The following ENPP1 variants were observed in gnomAD, a reference collection of about 807,000 sequenced individuals.
ENPP1 encodes ectonucleotide pyrophosphatase/phosphodiesterase 1.
Under a neutral mutation model 122.8 loss-of-function variants are expected in ENPP1, and 73 were observed. The ratio of observed to expected loss-of-function variants is 0.59; its 90% CI spans 0.49 to 0.72. The LOEUF is 0.72. Ranked by LOEUF, ENPP1 falls within the 30% of genes least tolerant of loss-of-function variation. The pLI is 0.00. For synonymous variants in ENPP1, 367 were observed against 391.6 expected (o/e 0.94, Z 0.74); for missense variants, 978 against 1,128.1 (o/e 0.87, Z 1.91).
At chr6:131,873,617 T>C (rs1302865864) in intron 15 of ENPP1, among the ~76,000 whole-genome samples, 1 of 152,120 alleles carries the variant, frequency 6.6e-6, no homozygotes, top group Non-Finnish European at 1.5e-5. Context: ...CTTTAGTTTA[T>C]TGGTGTGTTT....
rs1782495831 is a variant in ENPP1, at chr6:131,893,311, A to T, written c.*2800A>T. On this transcript the variant is annotated 3_prime_UTR_variant, in exon 25 of 25. Coordinates refer to ENST00000647893, the MANE Select transcript of ENPP1 (RefSeq NM_006208.3). ...TGTCTTAGGGAGAAGAGACAGCAGA[A>T]GTGTAAATGATCCCTAAAGAGTGAT... The T allele has an allele frequency of 6.6e-6, 1 of 152,248 alleles. No individual in the cohort carries two copies. Among genetic ancestry groups the T allele is most frequent in the African/African-American group, 2.4e-5 (1 of 41,460 alleles). 9.4% of individuals were successfully genotyped at this position (152,248 alleles called of 1,614,324 possible).
chr6:131,887,697 T>A (rs1461339182), intron 24 of ENPP1, among the ~76,000 whole-genome samples: 4 of 148,064 alleles, frequency 2.7e-5, no homozygotes, highest in Non-Finnish European at 5.9e-5. Flanking sequence ...TAGCTGGGAC[T>A]ACAGGCGCCC....
chr6:131,858,796 T>A, intron 7 of ENPP1, 49 bp downstream of exon 7: 1 of 1,284,432 alleles, frequency 7.8e-7, no homozygotes, highest in Non-Finnish European at 1.1e-6. Context: ...TGAGATGGGA[T>A]TGTAACATTT....
intron 1 of ENPP1, among the ~76,000 whole-genome samples, chr6:131,810,419 C>T (rs555414496): frequency 1.8e-4 from 28 of 151,884 alleles, no homozygotes; most frequent in African/African-American, 6.8e-4. Context: ...TTTCCCTTCC[C>T]TACTTCAATA....
intron 6 of ENPP1, among the ~76,000 whole-genome samples, chr6:131,856,593 G>A (rs1299524385): frequency 7.0e-6 from 1 of 143,548 alleles, no homozygotes; most frequent in Non-Finnish European, 1.5e-5. Flanking sequence ...GCAATGCCTA[G>A]GTTTTCTTCT....
rs1782022317 is a variant in ENPP1, at chr6:131,861,497, GCA to G, written c.916-96_916-95del. 7 of 790,352 alleles carry G rather than the reference GCA, an allele frequency of 8.9e-6. No homozygotes were observed. The East Asian group carries it at 1.7e-4, about 20-fold the overall frequency. The allele number at this position is 790,352 out of a possible 1,614,324, so 49.0% of individuals were successfully genotyped here. On this transcript the variant is annotated intron_variant, in intron 8 of 24. Coordinates refer to ENST00000647893, the MANE Select transcript of ENPP1 (RefSeq NM_006208.3). ...GCTTGTTGACCTTAAAAGCATTCTA[GCA>G]CTAGAGAGGAATGCATTGGTGTGGT...
At chr6:131,843,611 C>A (rs1450121530) in intron 1 of ENPP1, among the ~76,000 whole-genome samples, 2 of 151,280 alleles carry the variant, frequency 1.3e-5, no homozygotes, top group Non-Finnish European at 2.9e-5. Flanking sequence ...CTCTTATCCC[C>A]TTTTGTATTC....
chr6:131,886,423 T>C, intron 23 of ENPP1, 139 bp from the exon 24 acceptor site: 2 of 665,246 alleles, frequency 3.0e-6, no homozygotes. Context: ...TGTTGAGGTA[T>C]TGTGATTACT....
intron 24 of ENPP1, among the ~76,000 whole-genome samples, chr6:131,886,933 T>C (rs1042916229): frequency 4.0e-5 from 6 of 149,878 alleles, no homozygotes; most frequent in East Asian, 1.9e-4. Context: ...TTTCTTTTTT[T>C]TTTTTTTTTT....
intron 1 of ENPP1, chr6:131,827,427 TAGG>T (rs1781559112): frequency 5.7e-6 from 4 of 696,804 alleles, no homozygotes; most frequent in Admixed American, 2.1e-5. Context: ...CCACAGCCTG[TAGG>T]AGGAGGTCAG....
At position 131,891,781 on chromosome 6, in the gene ENPP1, TC is replaced by T. The variant is rs1441985073; in HGVS notation, c.*1272del. 1 of 151,314 alleles carries T rather than the reference TC, an allele frequency of 6.6e-6. No homozygotes were observed. Among genetic ancestry groups the T allele is most frequent in the Non-Finnish European group, 1.5e-5 (1 of 67,860 alleles). 9.4% of individuals were successfully genotyped at this position (151,314 alleles called of 1,614,324 possible). ...TTTTTTTTTTTTCAGTCCTGCAGTT[TC>T]CTGAAGCTCTGTATATGATATTTTT... On this transcript the variant is annotated 3_prime_UTR_variant, in exon 25 of 25. Coordinates refer to ENST00000647893, the MANE Select transcript of ENPP1 (RefSeq NM_006208.3).
Position 131,852,231 on chromosome 6 carries a change from G to T in ENPP1, c.613G>T (p.Ala205Ser). ...GAGCATTAATGAGCCACAGTGCCCA[G>T]CAGGGTAAGATTATATTCTGAGGTA... The part of the protein sequence containing the change: ...CESINEPQCP[A>S]GFETPPTLLF... The change falls in exon 5 of 25, where the codon GCA (alanine) becomes TCA (serine). Residue 205 changes from alanine (A) to serine (S), a missense_variant. Physicochemically the swap from Ala to Ser is moderately conservative, Grantham distance 99. Around this residue, in one of 3 missense-constraint regions of ENPP1, gnomAD observed 330 missense variants for 328.5 expected, o/e 1.00. Coordinates refer to ENST00000647893, the MANE Select transcript of ENPP1 (RefSeq NM_006208.3). 1 of 1,598,434 alleles carries T rather than the reference G, an allele frequency of 6.3e-7. No individual in the cohort carries two copies. Among genetic ancestry groups the T allele is most frequent in the Non-Finnish European group, 8.5e-7 (1 of 1,170,328 alleles).
Position 131,879,892 on chromosome 6 carries a change from A to G in ENPP1, c.1958A>G (p.Lys653Arg), listed in dbSNP as rs1387133189. Residue 653 changes from lysine to arginine, a missense_variant, in exon 20 of 25, where the codon AAG becomes AGG. Around this residue, in one of 3 missense-constraint regions of ENPP1, gnomAD observed 644 missense variants for 781.5 expected, o/e 0.82. Coordinates refer to ENST00000647893, the MANE Select transcript of ENPP1 (RefSeq NM_006208.3). ...CCTGTGACCCAAGAGAAGATTATTA[A>G]GCATGAAACTTTACCCTATGGAAGA... ...NLTVAEEKIIKHETLPYGRPR... is the reference protein window; with the variant it reads ...NLTVAEEKIIRHETLPYGRPR... 1 of 1,613,746 alleles carries G rather than the reference A, an allele frequency of 6.2e-7. No individual in the cohort carries two copies. The highest frequency in any genetic ancestry group is 1.1e-5 in the South Asian group (1 of 91,082).
intron 1 of ENPP1, among the ~76,000 whole-genome samples, chr6:131,838,395 A>G (rs913094990): frequency 6.6e-6 from 1 of 152,194 alleles, no homozygotes; most frequent in African/African-American, 2.4e-5. Flanking sequence ...ATCAGGAAGA[A>G]TCTAAAAGAT....
At chr6:131,870,112 G>GA (rs1554204114) in intron 13 of ENPP1, among the ~76,000 whole-genome samples, 1 of 151,964 alleles carries the variant, frequency 6.6e-6, no homozygotes, top group East Asian at 1.9e-4. Context: ...GATTATACTA[G>GA]AAAAAATGTT....
At chr6:131,820,003 G>A (rs892103786) in intron 1 of ENPP1, 1 of 554,526 alleles carries the variant, frequency 1.8e-6, no homozygotes, top group Non-Finnish European at 3.5e-6. Flanking sequence ...AAACTCAGCT[G>A]TTCCCCATAA....
At chr6:131,866,394 G>C (rs772663216) in intron 11 of ENPP1, among the ~76,000 whole-genome samples, 2 of 152,212 alleles carry the variant, frequency 1.3e-5, no homozygotes, top group Non-Finnish European at 2.9e-5. Flanking sequence ...CATGGTCCCT[G>C]TTTTTGAGGG....
intron 4 of ENPP1, 124 bp downstream of exon 4, chr6:131,851,391 A>G (rs933146185): frequency 1.0e-5 from 13 of 1,255,062 alleles, no homozygotes; most frequent in Non-Finnish European, 1.3e-5. Flanking sequence ...GCTGAAAAAA[A>G]TAATTTTAAA....
At chr6:131,877,869 ATATATATAT>A (rs1562183380) in intron 18 of ENPP1, 24 of 52,848 alleles carry the variant, frequency 4.5e-4, no homozygotes, top group South Asian at 1.5e-3. Context: ...AAAAAAAAAT[ATATATATAT>A]ATATATATAT....
Sources: gnomAD v4.1 joint callset for allele counts (sites outside exome capture counted in the v4.1 genomes callset) on GRCh38, gnomAD v4.1.1 for gene constraint, gnomAD v4.1.1 regional missense constraint, MANE v1.5 for transcripts, NCBI Gene and HGNC (gene_info 2026-07-23, HGNC 2026-07-21) for gene names.